The following PMF1 variants were observed in gnomAD, a reference collection of about 807,000 sequenced individuals.
PMF1 encodes the protein polyamine-modulated factor 1.
Under a neutral mutation model 26.7 loss-of-function variants are expected in PMF1, and 21 were observed. The ratio of observed to expected loss-of-function variants is 0.79; its 90% confidence interval spans 0.56 to 1.13. PMF1 has a LOEUF of 1.13. PMF1 is among the 50% of genes most tolerant of loss of function. The pLI, the probability that PMF1 is intolerant of heterozygous loss-of-function variation, is 0.00. For missense variants in PMF1, 266 were observed against 254.9 expected (o/e 1.04, Z -0.30); for synonymous variants, 105 against 101.0 (o/e 1.04, Z -0.24).
intron 1 of PMF1, among the ~76,000 whole-genome samples, chr1:156,220,215 C>T (rs773493058): frequency 1.3e-5 from 2 of 152,114 alleles, no homozygotes; most frequent in Admixed American, 1.3e-4. Context: ...CCATCTGCCT[C>T]GGCCTCCCAA....
chr1:156,238,303 G>C (rs1157147074), intron 4 of PMF1, among the ~76,000 whole-genome samples: 1 of 152,210 alleles, frequency 6.6e-6, no homozygotes, highest in Non-Finnish European at 1.5e-5. Flanking sequence ...ATGACTTGTA[G>C]AGCCTTCACA....
At chr1:156,236,904 G>A (rs115853779) in intron 4 of PMF1, 2,726 of 185,336 alleles carry the variant, frequency 0.015, 44 homozygotes, top group Non-Finnish European at 0.022. Flanking sequence ...AAGAACAGAG[G>A]ATGAGACAGT....
intron 1 of PMF1, among the ~76,000 whole-genome samples, chr1:156,219,495 CG>C (rs1187986288): frequency 1.3e-5 from 2 of 152,102 alleles, no homozygotes; most frequent in African/African-American, 2.4e-5. Flanking sequence ...CCTGCCCCAC[CG>C]ATCTGCCTGT....
chr1:156,239,671 G>GCAT lies in PMF1; in HGVS notation c.*70_*71insCAT. On this transcript the variant is annotated 3_prime_UTR_variant, in exon 5 of 5. Transcript: ENST00000368277. ...CCTGTGGTCCAGCATGCCTGGCCTG[G>GCAT]GCGGGCTACCTCTGAGAACGGCTGA... The GCAT allele has an allele frequency of 7.4e-7, 1 of 1,344,954 alleles. No individual in the cohort carries two copies. Among genetic ancestry groups the GCAT allele is most frequent in the Non-Finnish European group, 1.1e-6 (1 of 939,888 alleles). 83.3% of individuals were successfully genotyped at this position (1,344,954 alleles called of 1,614,324 possible). A position where few individuals can be genotyped will look rare whatever the true frequency, so the allele number is the denominator to read the frequency against.
intron 3 of PMF1, 53 bp downstream of exon 3, chr1:156,233,781 C>CTTTTT: frequency 4.8e-6 from 6 of 1,260,246 alleles, no homozygotes; most frequent in East Asian, 5.3e-5. Flanking sequence ...AGCAATTAAG[C>CTTTTT]TTTTTTTTTT....
At chr1:156,235,562 C>T (rs1324471669) in intron 3 of PMF1, among the ~76,000 whole-genome samples, 1 of 149,922 alleles carries the variant, frequency 6.7e-6, no homozygotes, top group African/African-American at 2.5e-5. Context: ...CTGCCTCAGC[C>T]TCCCAAGTAG....
intron 1 of PMF1, chr1:156,224,016 A>C (rs904475048): frequency 5.3e-5 from 8 of 152,292 alleles, no homozygotes; most frequent in African/African-American, 1.9e-4. Flanking sequence ...ATCAAACCAC[A>C]AAGTTTCTTC....
At chr1:156,224,742 C>T (rs1658261460) in intron 1 of PMF1, among the ~76,000 whole-genome samples, 1 of 150,874 alleles carries the variant, frequency 6.6e-6, no homozygotes, top group Admixed American at 6.6e-5. Flanking sequence ...CCAGCCTGGG[C>T]GACAGAGTGA....
chr1:156,217,235 A>T (rs1463741824), intron 1 of PMF1, among the ~76,000 whole-genome samples: 1 of 109,398 alleles, frequency 9.1e-6, no homozygotes, highest in African/African-American at 4.0e-5. Context: ...AAGTATAATA[A>T]AAAAAAAAAA....
intron 1 of PMF1, among the ~76,000 whole-genome samples, chr1:156,229,565 G>T (rs1572496534): frequency 7.6e-6 from 1 of 131,290 alleles, no homozygotes; most frequent in African/African-American, 3.3e-5. Context: ...TAGGACCTTT[G>T]TTTTGTTTTT....
At chr1:156,219,720 G>A (rs907416309) in intron 1 of PMF1, among the ~76,000 whole-genome samples, 1 of 151,746 alleles carries the variant, frequency 6.6e-6, no homozygotes, top group South Asian at 2.1e-4. Context: ...CAAGTAGCTG[G>A]GACTACAGAT....
chr1:156,217,582 C>T (rs959914675), intron 1 of PMF1, among the ~76,000 whole-genome samples: 2 of 151,982 alleles, frequency 1.3e-5, no homozygotes, highest in Non-Finnish European at 2.9e-5. Flanking sequence ...AAAAATTAAC[C>T]GGGTGTCATA....
intron 1 of PMF1, among the ~76,000 whole-genome samples, chr1:156,216,588 C>T (rs1018304785): frequency 3.3e-5 from 5 of 151,828 alleles, no homozygotes; most frequent in South Asian, 2.1e-4. Flanking sequence ...ATCTCTCGCG[C>T]GTCCGAGCGT....
chr1:156,234,505 G>GT lies in PMF1; in HGVS notation c.368+787dup, dbSNP rs201473567. Among the ~76,000 whole-genome samples, 479 of 146,346 alleles carry GT rather than the reference G, an allele frequency of 3.3e-3. 2 individuals carry two copies. The highest frequency in any genetic ancestry group is 0.027 in the East Asian group (138 of 5,048). On this transcript the variant is annotated intron_variant, in intron 3 of 4. Coordinates refer to ENST00000368277, the MANE Select transcript of PMF1 (RefSeq NM_007221.4). ...GAGCACCTACTATATGATCGATATTGTTTTTTTTTTCTATTTTTTTTAAGA... is the reference window on the plus strand; with the variant it reads ...GAGCACCTACTATATGATCGATATTGTTTTTTTTTTTCTATTTTTTTTAAGA...
chr1:156,216,697 CGGGCGCCCG>C (rs1657738626), intron 1 of PMF1, among the ~76,000 whole-genome samples: 1 of 151,714 alleles, frequency 6.6e-6, no homozygotes, highest in Non-Finnish European at 1.5e-5. Context: ...CTCTCCGCTG[CGGGCGCCCG>C]GGGCGGCCGC....
chr1:156,238,723 G>T (rs1314674897), intron 4 of PMF1, among the ~76,000 whole-genome samples: 1 of 152,150 alleles, frequency 6.6e-6, no homozygotes, highest in Non-Finnish European at 1.5e-5. Flanking sequence ...TAGCCTGAAG[G>T]CCCTGCTGCA....
chr1:156,239,705 C>T lies in PMF1; in HGVS notation c.*104C>T. 1.1e-6 allele frequency: 1 copy of T among 901,928 alleles called. No homozygotes were observed. The highest frequency in any genetic ancestry group is 1.8e-6 in the Non-Finnish European group (1 of 548,250). 55.9% of individuals were successfully genotyped at this position (901,928 alleles called of 1,614,324 possible). A position where few individuals can be genotyped will look rare whatever the true frequency, so the allele number is the denominator to read the frequency against. On this transcript the variant is annotated 3_prime_UTR_variant, in exon 5 of 5. Transcript: ENST00000368277. ...CCTCTGAGAACGGCTGAAATGGTGC[C>T]CAGTCCATCAGCAGTGATGGAATTT... is the stretch of plus-strand genomic sequence containing the variant.
intron 1 of PMF1, 78 bp downstream of exon 1, chr1:156,213,254 CT>C: frequency 2.6e-6 from 4 of 1,563,728 alleles, no homozygotes; most frequent in Non-Finnish European, 3.5e-6. Flanking sequence ...CGGCCGCAGG[CT>C]GGCGCGCGGT....
At chr1:156,237,654 C>T (rs1659109816) in intron 4 of PMF1, among the ~76,000 whole-genome samples, 1 of 151,946 alleles carries the variant, frequency 6.6e-6, no homozygotes, top group African/African-American at 2.4e-5. Context: ...ACCATGTTGG[C>T]CAGGCTGGTC....
Sources: gnomAD v4.1 joint callset for allele counts (sites outside exome capture counted in the v4.1 genomes callset) on GRCh38, gnomAD v4.1.1 for gene constraint, MANE v1.5 for transcripts, NCBI Gene and HGNC (gene_info 2026-07-23, HGNC 2026-07-21) for gene names.